SGCZ: variants seen among roughly 807,000 people sequenced by gnomAD.
The protein encoded by SGCZ is zeta-sarcoglycan.
SGCZ carries 40 observed loss-of-function variants against 41.3 expected under a neutral mutation model. That is an observed-to-expected ratio of 0.97 (90% confidence interval 0.75 to 1.26). SGCZ has a LOEUF of 1.26. SGCZ is among the 50% of genes most tolerant of loss of function. The pLI, the probability that SGCZ is intolerant of heterozygous loss-of-function variation, is 0.00. For missense variants in SGCZ, 552 were observed against 369.8 expected, an observed-to-expected ratio of 1.49 and a Z score of -4.04; for synonymous variants, 206 against 137.5, an observed-to-expected ratio of 1.50 and a Z score of -3.49.
intron 4 of SGCZ, among the ~76,000 whole-genome samples, chr8:14,179,825 C>T (rs941289526): frequency 2.6e-5 from 4 of 152,116 alleles, no homozygotes; most frequent in African/African-American, 9.7e-5. Context: ...AGAAGATACT[C>T]ATTCCTCACT....
At chr8:14,189,256 T>C (rs577991030) in intron 4 of SGCZ, among the ~76,000 whole-genome samples, 142 of 152,256 alleles carry the variant, frequency 9.3e-4, no homozygotes, top group African/African-American at 3.3e-3. Flanking sequence ...CTTGTTGCTT[T>C]ACTTCCCAAT....
At chr8:14,744,051 T>A (rs865947354) in intron 1 of SGCZ, among the ~76,000 whole-genome samples, 4 of 152,274 alleles carry the variant, frequency 2.6e-5, no homozygotes, top group Middle Eastern at 3.4e-3. Context: ...AGTTACAGGC[T>A]GTTGAATAGC....
chr8:14,671,386 C>G lies in SGCZ; in HGVS notation c.40-116460G>C, dbSNP rs545350795. Among the ~76,000 whole-genome samples, 3 of 152,224 alleles carry G rather than the reference C, an allele frequency of 2.0e-5. No homozygotes were observed. The East Asian group carries it at 5.8e-4, about 29-fold the overall frequency. On this transcript the variant is annotated intron_variant, in intron 1 of 7. Transcript: ENST00000382080. ...CTTTTATTAATAGATGGAATGGAAT[C>G]ACTTGATTTTAATTTTTATCCAAGA...
At chr8:15,137,084 A>G (rs1384194022) in intron 1 of SGCZ, among the ~76,000 whole-genome samples, 1 of 152,198 alleles carries the variant, frequency 6.6e-6, no homozygotes, top group East Asian at 1.9e-4. Context: ...ACCGATAATG[A>G]TATGTACAAT....
At chr8:15,039,892 T>TA (rs1804020027) in intron 1 of SGCZ, among the ~76,000 whole-genome samples, 1 of 152,218 alleles carries the variant, frequency 6.6e-6, no homozygotes, top group Non-Finnish European at 1.5e-5. Context: ...TCATTTACAC[T>TA]ACTAAGTTCC....
chr8:15,229,639 C>T (rs928189425), intron 1 of SGCZ, among the ~76,000 whole-genome samples: 7 of 152,088 alleles, frequency 4.6e-5, no homozygotes, highest in Non-Finnish European at 7.3e-5. Flanking sequence ...TTGAGGTAAG[C>T]GATTTATTTC....
intron 1 of SGCZ, among the ~76,000 whole-genome samples, chr8:14,625,790 C>T (rs150252545): frequency 6.6e-6 from 1 of 152,232 alleles, no homozygotes; most frequent in South Asian, 2.1e-4. Context: ...ACTATATATT[C>T]CGACCCCATT....
At position 14,378,792 on chromosome 8, in the gene SGCZ, C is replaced by T. The variant is rs566705614; in HGVS notation, c.235-54588G>A. On this transcript the variant is annotated intron_variant, in intron 2 of 7. Transcript: ENST00000382080. Reference sequence around the variant, plus strand: ...AGAATTAAATTAATTGTAAGATGCCCAGCTTGTGTCCCAGAATTGGTTGAT... The same window carrying T: ...AGAATTAAATTAATTGTAAGATGCCTAGCTTGTGTCCCAGAATTGGTTGAT... 1.3e-3 allele frequency among the ~76,000 whole-genome samples: 203 copies of T among 152,142 alleles called. 1 individual carries two copies. Among genetic ancestry groups the T allele is most frequent in the African/African-American group, 4.8e-3 (200 of 41,504 alleles).
chr8:14,568,941 T>C (rs978309968), intron 1 of SGCZ, among the ~76,000 whole-genome samples: 7 of 152,198 alleles, frequency 4.6e-5, no homozygotes, highest in African/African-American at 1.7e-4. Context: ...TGAAATTGTA[T>C]TTGAGTCAAA....
At chr8:14,615,612 A>C in intron 1 of SGCZ, among the ~76,000 whole-genome samples, 1 of 152,196 alleles carries the variant, frequency 6.6e-6, no homozygotes, top group Non-Finnish European at 1.5e-5. Context: ...GATTTTAAAC[A>C]TCACCCCGGA....
At chr8:14,552,534 T>A (rs913083746) in intron 2 of SGCZ, among the ~76,000 whole-genome samples, 4 of 150,288 alleles carry the variant, frequency 2.7e-5, no homozygotes, top group Middle Eastern at 3.2e-3. Flanking sequence ...CGTAAAAAAA[T>A]AAATAAATAA....
At chr8:15,018,891 G>T (rs1803143148) in intron 1 of SGCZ, among the ~76,000 whole-genome samples, 1 of 152,240 alleles carries the variant, frequency 6.6e-6, no homozygotes, top group African/African-American at 2.4e-5. Context: ...GGAAGGCGGA[G>T]AGGAAGAAGG....
At chr8:14,947,361 T>C (rs945091964) in intron 1 of SGCZ, among the ~76,000 whole-genome samples, 1 of 152,216 alleles carries the variant, frequency 6.6e-6, no homozygotes, top group Admixed American at 6.5e-5. Context: ...TTTAGGCTTA[T>C]AGTGCACCAG....
Position 14,507,694 on chromosome 8 carries a change from T to C in SGCZ, c.234+47038A>G, listed in dbSNP as rs186883779. On this transcript the variant is annotated intron_variant, in intron 2 of 7. Transcript: ENST00000382080. The stretch of plus-strand genomic sequence containing the variant: ...GCATGGAATGCAATTCTTCAAGTTT[T>C]CTATGCTTACTTCCTCACTTCTTTT... Among the ~76,000 whole-genome samples the C allele has an allele frequency of 4.2e-4, 64 of 152,328 alleles. No individual in the cohort carries two copies. The East Asian group carries it at 8.9e-3, about 21-fold the overall frequency.
intron 1 of SGCZ, among the ~76,000 whole-genome samples, chr8:14,587,220 G>C (rs1396338489): frequency 6.6e-6 from 1 of 151,732 alleles, no homozygotes; most frequent in Non-Finnish European, 1.5e-5. Flanking sequence ...TGATAATAAA[G>C]TTTCAACCAA....
chr8:14,698,638 A>G (rs1809039863), intron 1 of SGCZ, among the ~76,000 whole-genome samples: 2 of 151,970 alleles, frequency 1.3e-5, no homozygotes, highest in Admixed American at 1.3e-4. Context: ...GTGGGGGGGT[A>G]TAATCATGAC....
At chr8:14,606,429 T>C (rs150841657) in intron 1 of SGCZ, among the ~76,000 whole-genome samples, 195 of 152,302 alleles carry the variant, frequency 1.3e-3, no homozygotes, top group African/African-American at 4.4e-3. Context: ...ATCAAAACTC[T>C]TAGTGCAATT....
intron 1 of SGCZ, among the ~76,000 whole-genome samples, chr8:14,797,731 T>A (rs559746493): frequency 1.2e-3 from 190 of 152,286 alleles, no homozygotes; most frequent in African/African-American, 4.3e-3. Context: ...CCCTGAGGCC[T>A]AGGAGGAAAT....
intron 3 of SGCZ, among the ~76,000 whole-genome samples, chr8:14,312,055 G>T (rs966797687): frequency 6.6e-6 from 1 of 151,934 alleles, no homozygotes; most frequent in African/African-American, 2.4e-5. Flanking sequence ...AGCTATTAGT[G>T]GGGACAATGT....
Sources: gnomAD v4.1 joint callset for allele counts (sites outside exome capture counted in the v4.1 genomes callset) on GRCh38, gnomAD v4.1.1 for gene constraint, MANE v1.5 for transcripts, NCBI Gene and HGNC (gene_info 2026-07-23, HGNC 2026-07-21) for gene names.